CA4: variants seen among roughly 807,000 people sequenced by gnomAD.
The protein encoded by CA4 is carbonic anhydrase 4.
CA4 carries 24 observed loss-of-function variants against 34.5 expected under a neutral mutation model. The ratio of observed to expected loss-of-function variants is 0.70; its 90% confidence interval spans 0.50 to 0.98. The LOEUF (loss-of-function observed/expected upper bound fraction) is 0.98. Ranked by LOEUF, CA4 falls within the 50% of genes least tolerant of loss-of-function variation. The pLI, the probability that CA4 is intolerant of heterozygous loss-of-function variation, is 0.00. For synonymous variants in CA4, 178 were observed against 170.6 expected (o/e 1.04, Z -0.34); for missense variants, 394 against 396.7 (o/e 0.99, Z 0.06).
downstream of CA4, among the ~76,000 whole-genome samples, chr17:60,174,824 G>A (rs977053765): frequency 1.3e-5 from 2 of 152,152 alleles, no homozygotes; most frequent in African/African-American, 4.8e-5. Context: ...AACTAGCTGG[G>A]AAAAATGTGG....
chr17:60,156,802 C>A (rs1209449114), intron 3 of CA4, 87 bp downstream of exon 3: 8 of 1,243,066 alleles, frequency 6.4e-6, no homozygotes, highest in Non-Finnish European at 9.5e-6. Context: ...GAGGGTGTGC[C>A]AGACCCAGGC....
intron 5 of CA4, among the ~76,000 whole-genome samples, chr17:60,169,262 A>AAAAAAAAAAAAAAGCAGC (rs1555574044): frequency 2.0e-5 from 3 of 149,654 alleles, no homozygotes; most frequent in African/African-American, 7.6e-5. Flanking sequence ...AAAAAAAAAA[A>AAAAAAAAAAAAAAGCAGC]AGCAGCAGCA....
At chr17:60,157,377 G>A in intron 3 of CA4, 50 bp from the exon 4 acceptor site, 1 of 1,608,312 alleles carries the variant, frequency 6.2e-7, no homozygotes, top group Non-Finnish European at 8.5e-7. Context: ...AAGAGCTAGA[G>A]GAGGCTGAGG....
chr17:60,152,533 G>A (rs772812667), intron 1 of CA4, among the ~76,000 whole-genome samples: 4 of 152,212 alleles, frequency 2.6e-5, no homozygotes, highest in Non-Finnish European at 4.4e-5. Flanking sequence ...GAAAAGCTAA[G>A]CCTGGACCAG....
Position 60,158,367 on chromosome 17 carries a change from GCTCA to G in CA4, c.671_674del (p.Leu224ProfsTer40), listed in dbSNP as rs1567732029. ...CTGAGGCACTACTTCCGCTACCTGG[GCTCA>G]CTCACCACACCGACCTGCGATGAGA... On this transcript the variant is annotated frameshift_variant, in exon 7 of 8. Transcript: ENST00000300900. LOFTEE classifies it high-confidence loss of function. The G allele has an allele frequency of 2.5e-6, 4 of 1,614,120 alleles. No individual in the cohort carries two copies. In the South Asian group the frequency reaches 4.4e-5, roughly 18 times the overall value.
chr17:60,160,477 C>A (rs2145286586), downstream of CA4, among the ~76,000 whole-genome samples: 1 of 152,082 alleles, frequency 6.6e-6, no homozygotes, highest in East Asian at 1.9e-4. Flanking sequence ...GAATTCAGGG[C>A]AGGGGGCCGG....
chr17:60,155,197 C>A, intron 1 of CA4, 117 bp from the exon 2 acceptor site: 2 of 884,650 alleles, frequency 2.3e-6, no homozygotes, highest in Non-Finnish European at 3.7e-6. Context: ...CAGGAACACT[C>A]CATCCCAGCC....
chr17:60,158,991 C>T lies in CA4; in HGVS notation c.745-239C>T, dbSNP rs949173231. The T allele has an allele frequency of 3.5e-5, 20 of 576,474 alleles. 1 individual carries two copies. Among genetic ancestry groups the T allele is most frequent in the South Asian group, 3.2e-4 (16 of 50,140 alleles). 35.7% of individuals were successfully genotyped at this position (576,474 alleles called of 1,614,324 possible). On this transcript the variant is annotated intron_variant, in intron 7 of 7. Transcript: ENST00000300900. ...AGAGTGACAAGAGAAGCAGGCATTG[C>T]GGGCCCCCTGGGGTGTGAGTGAAAG...
At chr17:60,178,326 G>A in the CA4 span, among the ~76,000 whole-genome samples, 3 of 152,222 alleles carry the variant, frequency 2.0e-5, no homozygotes, top group African/African-American at 2.4e-5. Context: ...ATTGTGAAAC[G>A]TGATCTAGCT....
intron 2 of CA4, 103 bp downstream of exon 2, chr17:60,155,470 C>A: frequency 1.2e-6 from 1 of 821,386 alleles, no homozygotes; most frequent in Non-Finnish European, 2.0e-6. Flanking sequence ...GTGATGGTGG[C>A]TTCCCAGGCA....
chr17:60,156,147 C>T (rs2083680082), intron 2 of CA4, among the ~76,000 whole-genome samples: 1 of 152,194 alleles, frequency 6.6e-6, no homozygotes, highest in East Asian at 1.9e-4. Context: ...CCAAAGCCCT[C>T]TCCATCCACC....
Position 60,158,420 on chromosome 17 carries a change from G to A in CA4, c.718G>A (p.Glu240Lys). 1 of 1,614,082 alleles carries A rather than the reference G, an allele frequency of 6.2e-7. No individual in the cohort carries two copies. Among genetic ancestry groups the A allele is most frequent in the Non-Finnish European group, 8.5e-7 (1 of 1,180,022 alleles). The change falls in exon 7 of 8, where the codon GAG (glutamate) becomes AAG (lysine). Residue 240 changes from glutamate (E) to lysine (K), a missense_variant. Coordinates refer to ENST00000300900, the MANE Select transcript of CA4 (RefSeq NM_000717.5). ...DEKVVWTVFREPIQLHREQIL... is the reference protein window; with the variant it reads ...DEKVVWTVFRKPIQLHREQIL... The stretch of plus-strand genomic sequence containing the variant: ...GAAGGTCGTCTGGACTGTGTTCCGG[G>A]AGCCCATTCAGCTTCACAGAGAACA...
At chr17:60,157,043 C>T (rs942457906) in intron 3 of CA4, 2 of 518,700 alleles carry the variant, frequency 3.9e-6, no homozygotes, top group South Asian at 4.1e-5. Flanking sequence ...TGAAGCCAGG[C>T]AGAGCCCAAG....
chr17:60,177,198 T>C, the CA4 span, among the ~76,000 whole-genome samples: 7 of 152,240 alleles, frequency 4.6e-5, no homozygotes, highest in African/African-American at 1.4e-4. Context: ...AATTTGTCTT[T>C]CTGTGTTTAC....
intron 5 of CA4, among the ~76,000 whole-genome samples, chr17:60,167,502 G>A (rs1440656665): frequency 2.0e-5 from 3 of 152,254 alleles, no homozygotes; most frequent in Admixed American, 2.0e-4. Context: ...GCCACAGAGA[G>A]GGAGGGCAGG....
chr17:60,162,085 G>A (rs2083797024), downstream of CA4, among the ~76,000 whole-genome samples: 1 of 152,180 alleles, frequency 6.6e-6, no homozygotes, highest in East Asian at 1.9e-4. Context: ...GCAGGAGCCA[G>A]AACGGGCACA....
At chr17:60,176,045 A>G in the CA4 span, among the ~76,000 whole-genome samples, 1 of 151,988 alleles carries the variant, frequency 6.6e-6, no homozygotes, top group Non-Finnish European at 1.5e-5. Flanking sequence ...TGAACTCTCA[A>G]CCTTAGGTGA....
chr17:60,178,764 C>T, the CA4 span, among the ~76,000 whole-genome samples: 1 of 152,236 alleles, frequency 6.6e-6, no homozygotes, highest in African/African-American at 2.4e-5. Context: ...ATCATTTGCA[C>T]ACCTTCGTGA....
chr17:60,157,125 C>G (rs946709947), intron 3 of CA4, among the ~76,000 whole-genome samples: 1 of 152,138 alleles, frequency 6.6e-6, no homozygotes, highest in Non-Finnish European at 1.5e-5. Context: ...GACATTACCC[C>G]GAGGACACCA....
Sources: allele counts gnomAD v4.1 joint callset (sites outside exome capture counted in the v4.1 genomes callset), GRCh38; gene constraint gnomAD v4.1.1; transcripts MANE v1.5; gene names NCBI Gene and HGNC (gene_info 2026-07-23, HGNC 2026-07-21).